The following CCDC93 variants were observed in gnomAD, a reference collection of about 807,000 sequenced individuals.
The protein encoded by CCDC93 is coiled-coil domain-containing protein 93.
Under a neutral mutation model 108.2 loss-of-function variants are expected in CCDC93, and 61 were observed. The observed-to-expected ratio is 0.56, with a 90% CI of 0.46 to 0.70. The LOEUF is 0.70. Among genes scored for constraint, CCDC93 ranks in the 30% least tolerant of loss-of-function variants. The probability of loss-of-function intolerance (pLI) is 0.00; values close to 1 mark genes in which losing one functional copy is unlikely to be tolerated. For synonymous variants in CCDC93, 276 were observed against 260.4 expected (o/e 1.06, Z -0.58); for missense variants, 685 against 764.2 (o/e 0.90, Z 1.22).
At chr2:117,957,792 C>T (rs920424851) in intron 12 of CCDC93, among the ~76,000 whole-genome samples, 5 of 152,160 alleles carry the variant, frequency 3.3e-5, no homozygotes, top group Non-Finnish European at 5.9e-5. Flanking sequence ...GAAATACCCA[C>T]TCATCTTTCC....
chr2:117,963,979 T>C lies in CCDC93; in HGVS notation c.889-5498A>G, dbSNP rs148018285. Among the ~76,000 whole-genome samples, 535 of 152,340 alleles carry C rather than the reference T, an allele frequency of 3.5e-3. 2 individuals carry two copies. The highest frequency in any genetic ancestry group is 0.012 in the African/African-American group (502 of 41,570). On this transcript the variant is annotated intron_variant, in intron 11 of 23. Coordinates refer to ENST00000376300, the MANE Select transcript of CCDC93 (RefSeq NM_019044.5). ...ACCAGGCTGACAATTCATTAGTTGATACCATTATCCTTGCAGTTAGGTATT... is the reference window on the plus strand; with the variant it reads ...ACCAGGCTGACAATTCATTAGTTGACACCATTATCCTTGCAGTTAGGTATT...
At chr2:117,951,776 A>C (rs1429266209) in intron 13 of CCDC93, 1 of 778,700 alleles carries the variant, frequency 1.3e-6, no homozygotes, top group Non-Finnish European at 1.6e-6. Context: ...CTGTTCAGCA[A>C]TCACAAGTGG....
At chr2:117,950,639 G>C in intron 13 of CCDC93, 1 of 985,408 alleles carries the variant, frequency 1.0e-6, no homozygotes, top group African/African-American at 1.7e-5. Context: ...GGTTCAGAGC[G>C]CTCATTCTGC....
At chr2:117,926,375 G>A (rs1167682893) in intron 23 of CCDC93, among the ~76,000 whole-genome samples, 1 of 152,028 alleles carries the variant, frequency 6.6e-6, no homozygotes, top group East Asian at 1.9e-4. Flanking sequence ...CTGCTAGCAA[G>A]ACTAATAAAG....
In CCDC93 at chr2:117,948,273, G is replaced by T. The variant is rs879006327; in HGVS notation, c.1143-87C>A. 11 of 873,846 alleles carry T rather than the reference G, an allele frequency of 1.3e-5. No individual in the cohort carries two copies. In the South Asian group the frequency reaches 1.5e-4, roughly 12 times the overall value. The allele number at this position is 873,846 out of a possible 1,614,324, so 54.1% of individuals were successfully genotyped here. On this transcript the variant is annotated intron_variant, in intron 14 of 23. Coordinates refer to ENST00000376300, the MANE Select transcript of CCDC93 (RefSeq NM_019044.5). ...TAAAAGCAGGTCCGCAGCTAAAAAAGGACTCTCCTTTTAATTTCCTTTCTC... is the reference window on the plus strand; with the variant it reads ...TAAAAGCAGGTCCGCAGCTAAAAAATGACTCTCCTTTTAATTTCCTTTCTC...
In CCDC93 at chr2:117,918,636, T is replaced by G. The variant is rs1279997971; in HGVS notation, c.*1707A>C. The G allele has an allele frequency of 6.6e-6, 1 of 152,234 alleles. No homozygotes were observed. Among genetic ancestry groups the G allele is most frequent in the East Asian group, 1.9e-4 (1 of 5,202 alleles). 9.4% of individuals were successfully genotyped at this position (152,234 alleles called of 1,614,324 possible). On this transcript the variant is annotated 3_prime_UTR_variant, in exon 24 of 24. Coordinates refer to ENST00000376300, the MANE Select transcript of CCDC93 (RefSeq NM_019044.5). ...AGATGTTTCCCTGACTGAAATAATT[T>G]CAAACGCAGTCAAACTTCTGTCTCC...
At chr2:118,006,427 T>C (rs897964298) in intron 3 of CCDC93, among the ~76,000 whole-genome samples, 2 of 152,220 alleles carry the variant, frequency 1.3e-5, no homozygotes, top group Non-Finnish European at 2.9e-5. Context: ...AGTGAGACTC[T>C]GCCTTACACA....
chr2:117,980,764 CTA>C (rs1680092810), intron 7 of CCDC93, among the ~76,000 whole-genome samples: 2 of 152,228 alleles, frequency 1.3e-5, no homozygotes, highest in South Asian at 4.1e-4. Context: ...AGTGTATTCA[CTA>C]TGTTGTGCAA....
intron 14 of CCDC93, among the ~76,000 whole-genome samples, chr2:117,948,936 G>A (rs79325905): frequency 9.2e-5 from 14 of 152,320 alleles, no homozygotes; most frequent in African/African-American, 2.4e-4. Context: ...AAGGAGGCAC[G>A]AGCTGTTTAA....
chr2:117,948,476 T>C (rs763295973), intron 14 of CCDC93, among the ~76,000 whole-genome samples: 10 of 152,246 alleles, frequency 6.6e-5, no homozygotes, highest in African/African-American at 2.2e-4. Flanking sequence ...CCAGGTATAT[T>C]TAATGATACC....
At chr2:118,007,010 C>G (rs140984633) in intron 2 of CCDC93, among the ~76,000 whole-genome samples, 194 bp from the exon 3 acceptor site, 2 of 150,038 alleles carry the variant, frequency 1.3e-5, no homozygotes, top group Non-Finnish European at 3.0e-5. Flanking sequence ...TTACAGAAAA[C>G]TTTCTGCAGT....
intron 18 of CCDC93, among the ~76,000 whole-genome samples, chr2:117,942,525 A>G (rs1011861343): frequency 5.3e-5 from 8 of 152,172 alleles, no homozygotes; most frequent in African/African-American, 1.2e-4. Context: ...CTAATGGACA[A>G]TTCTCAGCTC....
intron 20 of CCDC93, chr2:117,936,966 A>G: frequency 1.9e-6 from 1 of 540,364 alleles, no homozygotes; most frequent in Non-Finnish European, 3.3e-6. Flanking sequence ...CTCTTCCTAC[A>G]GGGCATTCCC....
chr2:118,012,089 G>C (rs1391690280), intron 1 of CCDC93, among the ~76,000 whole-genome samples: 1 of 152,180 alleles, frequency 6.6e-6, no homozygotes, highest in Non-Finnish European at 1.5e-5. Context: ...GGCAGGCCAA[G>C]TCTAGCTATC....
rs1677740818 is a variant in CCDC93, at chr2:117,918,020, T to TAGAGCACA, written c.*2315_*2322dup. The TAGAGCACA allele has an allele frequency of 2.8e-5, 4 of 143,142 alleles. No individual in the cohort carries two copies. Among genetic ancestry groups the TAGAGCACA allele is most frequent in the Non-Finnish European group, 6.1e-5 (4 of 65,584 alleles). 8.9% of individuals were successfully genotyped at this position (143,142 alleles called of 1,614,324 possible). A position where few individuals can be genotyped will look rare whatever the true frequency, so the allele number is the denominator to read the frequency against. On this transcript the variant is annotated 3_prime_UTR_variant, in exon 24 of 24. Coordinates refer to ENST00000376300, the MANE Select transcript of CCDC93 (RefSeq NM_019044.5). ...TTAACTCCGGAGAAGCCTGTGGGCT[T>TAGAGCACA]AGAGCACAATTCCATACTATGTCTG...
chr2:117,990,879 T>C (rs1453940975), intron 6 of CCDC93, among the ~76,000 whole-genome samples: 5 of 152,182 alleles, frequency 3.3e-5, no homozygotes, highest in African/African-American at 9.7e-5. Flanking sequence ...TATTTCCTGC[T>C]TGCAGTATCA....
At position 117,944,088 on chromosome 2, in the gene CCDC93, T is replaced by C; in HGVS notation, c.1351-2A>G. ...ATTATACCGTCTGTCTAGGTCTTCC[T>C]AAAAATTGGAAAAGGCTGTAATTAT... is the stretch of plus-strand genomic sequence containing the variant. On this transcript the variant is annotated splice_acceptor_variant, in intron 17 of 23. Coordinates refer to ENST00000376300, the MANE Select transcript of CCDC93 (RefSeq NM_019044.5). LOFTEE classifies it high-confidence loss of function. 6.3e-7 allele frequency: 1 copy of C among 1,590,732 alleles called. No individual in the cohort carries two copies. Among genetic ancestry groups the C allele is most frequent in the Non-Finnish European group, 8.5e-7 (1 of 1,171,344 alleles).
chr2:117,920,120 A>G lies in CCDC93; in HGVS notation c.*223T>C. 2.2e-6 allele frequency: 1 copy of G among 450,242 alleles called. No homozygotes were observed. The allele number at this position is 450,242 out of a possible 1,614,324, so 27.9% of individuals were successfully genotyped here. On this transcript the variant is annotated 3_prime_UTR_variant, in exon 24 of 24. Transcript: ENST00000376300. ...AACAAGTACTCCCTATATTCTTCAT[A>G]GGATGATGGGTGTTATCCAAGCCAC... is the stretch of plus-strand genomic sequence containing the variant.
chr2:117,949,302 C>T lies in CCDC93; in HGVS notation c.1142+20G>A, dbSNP rs774735260. ...TCACTTTCATCAAAGCAAAAATAAG[C>T]ACATGCTGAAACCTCTTACCTTGGA... On this transcript the variant is annotated intron_variant, in intron 14 of 23. Coordinates refer to ENST00000376300, the MANE Select transcript of CCDC93 (RefSeq NM_019044.5). The T allele has an allele frequency of 9.0e-6, 14 of 1,553,166 alleles. No individual in the cohort carries two copies. Among genetic ancestry groups the T allele is most frequent in the East Asian group, 2.2e-5 (1 of 44,496 alleles).
Sources: gnomAD v4.1 joint callset for allele counts (sites outside exome capture counted in the v4.1 genomes callset) on GRCh38, gnomAD v4.1.1 for gene constraint, MANE v1.5 for transcripts, NCBI Gene and HGNC (gene_info 2026-07-23, HGNC 2026-07-21) for gene names.